The following CCDC85C variants were observed in gnomAD, a reference collection of about 807,000 sequenced individuals.
The protein encoded by CCDC85C is coiled-coil domain containing 85C.
In CCDC85C, 18 loss-of-function variants were observed where a neutral mutation model predicts 38.3. The ratio of observed to expected loss-of-function variants is 0.47; its 90% CI spans 0.33 to 0.70. The LOEUF (loss-of-function observed/expected upper bound fraction) is 0.70. CCDC85C is among the 30% of genes least tolerant of loss of function. CCDC85C has a pLI of 0.03. For missense variants in CCDC85C, 566 were observed against 621.2 expected (o/e 0.91, Z 0.94); for synonymous variants, 264 against 293.8 (o/e 0.90, Z 1.04).
chr14:99,595,887 G>C (rs968432143), intron 1 of CCDC85C, among the ~76,000 whole-genome samples: 1 of 152,242 alleles, frequency 6.6e-6, no homozygotes, highest in African/African-American at 2.4e-5. Flanking sequence ...AAACCCAGTT[G>C]CTGTCAGCAC....
Position 99,535,359 on chromosome 14 carries a change from C to T in CCDC85C, c.867+656G>A, listed in dbSNP as rs1374787843. Among the ~76,000 whole-genome samples the T allele has an allele frequency of 6.6e-6, 1 of 152,188 alleles. No individual in the cohort carries two copies. The highest frequency in any genetic ancestry group is 1.5e-5 in the Non-Finnish European group (1 of 68,020). On this transcript the variant is annotated intron_variant, in intron 2 of 5. Transcript: ENST00000380243. The surrounding 1 kb of genome is among the most constrained non-coding windows in gnomAD (Gnocchi z 5.5). ...TCGCCAAGCCAGCTGGCCCCCAACA[C>T]CCAAGCGTGACTGCCCATAGCCTCC...
rs1039717244 is a variant in CCDC85C at position 99,572,696 on chromosome 14, T to C, written c.793+30471A>G. 31 of 455,856 alleles carry C rather than the reference T, an allele frequency of 6.8e-5. No individual in the cohort carries two copies. Among genetic ancestry groups the C allele is most frequent in the Non-Finnish European group, 1.1e-4 (25 of 226,760 alleles). The allele number at this position is 455,856 out of a possible 1,614,324, so 28.2% of individuals were successfully genotyped here. ...AAGAGGCCTCCCCTGCCACCATCTGTTTTCTGCTCTTCCTAGCACTCACCA... is the reference window on the plus strand; with the variant it reads ...AAGAGGCCTCCCCTGCCACCATCTGCTTTCTGCTCTTCCTAGCACTCACCA... On this transcript the variant is annotated intron_variant, in intron 1 of 5. Coordinates refer to ENST00000380243, the MANE Select transcript of CCDC85C (RefSeq NM_001144995.2). This position sits in a 1 kb window ranked among gnomAD's most constrained non-coding sequence, Gnocchi z 4.4.
Position 99,603,694 on chromosome 14 carries a change from C to G in CCDC85C, c.266G>C (p.Cys89Ser), listed in dbSNP as rs770399001. ...CTTCTGCCGGTCGTCGTCGAGGAAG[C>G]AGCAGAGCTCGCGCAGCTCCTGGTT... Reference protein sequence around the residue: ...DDNQELRELCCFLDDDRQKGR... With the variant: ...DDNQELRELCSFLDDDRQKGR... The change falls in exon 1 of 6, where the codon TGC (cysteine) becomes TCC (serine). Residue 89 changes from cysteine to serine, a missense_variant. Physicochemically the swap from Cys to Ser is moderately radical, Grantham distance 112 (BLOSUM62 -1). Around this residue, in one of 3 missense-constraint regions of CCDC85C, gnomAD observed 269 missense variants for 308.2 expected, o/e 0.87. Transcript: ENST00000380243. The surrounding 1 kb of genome is among the most constrained non-coding windows in gnomAD (Gnocchi z 7.5). The G allele has an allele frequency of 2.2e-5, 33 of 1,511,048 alleles. No individual in the cohort carries two copies. Among genetic ancestry groups the G allele is most frequent in the Non-Finnish European group, 2.6e-6 (3 of 1,134,136 alleles). 93.6% of individuals were successfully genotyped at this position (1,511,048 alleles called of 1,614,324 possible). A position where few individuals can be genotyped will look rare whatever the true frequency, so the allele number is the denominator to read the frequency against.
At chr14:99,563,885 G>A (rs999701879) in intron 1 of CCDC85C, among the ~76,000 whole-genome samples, 3 of 128,172 alleles carry the variant, frequency 2.3e-5, no homozygotes, top group African/African-American at 8.3e-5. Context: ...GGGTATGTGG[G>A]GCAGGGGGTG....
intron 1 of CCDC85C, among the ~76,000 whole-genome samples, chr14:99,589,413 C>T (rs868045480): frequency 2.0e-5 from 3 of 151,968 alleles, no homozygotes; most frequent in Non-Finnish European, 4.4e-5. Flanking sequence ...AGTTGTGGAG[C>T]TTCCCGACCA....
At chr14:99,578,517 G>A (rs2054927437) in intron 1 of CCDC85C, among the ~76,000 whole-genome samples, 1 of 152,020 alleles carries the variant, frequency 6.6e-6, no homozygotes, top group Admixed American at 6.6e-5. Flanking sequence ...TCCCATCACT[G>A]TGTGTGTGTG....
Position 99,503,050 on chromosome 14 carries a change from G to A in CCDC85C, c.*12196C>T, listed in dbSNP as rs747848206. Reference sequence around the variant, plus strand: ...CAGGTGGCGGCAACACCTGAGCACTGTTCCCATTTCTAAGCGAGCACAGGG... The same window carrying A: ...CAGGTGGCGGCAACACCTGAGCACTATTCCCATTTCTAAGCGAGCACAGGG... On this transcript the variant is annotated 3_prime_UTR_variant, in exon 6 of 6. Transcript: ENST00000380243. The A allele has an allele frequency of 4.5e-6, 7 of 1,545,810 alleles. No homozygotes were observed.
At chr14:99,556,181 C>G (rs991803023) in intron 1 of CCDC85C, among the ~76,000 whole-genome samples, 3 of 152,234 alleles carry the variant, frequency 2.0e-5, no homozygotes, top group Admixed American at 1.3e-4. Flanking sequence ...CACTGAGAAG[C>G]CATGGAGCAA....
At position 99,510,341 on chromosome 14, in the gene CCDC85C, C is replaced by T; in HGVS notation, c.*4905G>A. On this transcript the variant is annotated 3_prime_UTR_variant, in exon 6 of 6. Coordinates refer to ENST00000380243, the MANE Select transcript of CCDC85C (RefSeq NM_001144995.2). ...CCAGCTACATGACCGGGATGTCCACCACCAGCTCCTACATGTCTGGAGAGG... is the reference window on the plus strand; with the variant it reads ...CCAGCTACATGACCGGGATGTCCACTACCAGCTCCTACATGTCTGGAGAGG... 6.3e-7 allele frequency: 1 copy of T among 1,588,062 alleles called. No individual in the cohort carries two copies. Among genetic ancestry groups the T allele is most frequent in the African/African-American group, 1.4e-5 (1 of 73,236 alleles).
intron 2 of CCDC85C, among the ~76,000 whole-genome samples, chr14:99,530,279 G>C (rs1414343589): frequency 6.6e-6 from 1 of 152,214 alleles, no homozygotes; most frequent in African/African-American, 2.4e-5. Context: ...AGGCCAAACT[G>C]ACTCTGAGGT....
In CCDC85C at chr14:99,603,910, T is replaced by C. The variant is rs953292142; in HGVS notation, c.50A>G (p.Gln17Arg). The change falls in exon 1 of 6, where the codon CAG becomes CGG. Residue 17 changes from glutamine (Q) to arginine (R), a missense_variant. By Grantham distance (43) the Gln-to-Arg change is conservative. Coordinates refer to ENST00000380243, the MANE Select transcript of CCDC85C (RefSeq NM_001144995.2). This position sits in a 1 kb window ranked among gnomAD's most constrained non-coding sequence, Gnocchi z 7.5. ...GCGCAGCAGCTCCTCGTCCGGCACC[T>C]GGCTCAGCTCCTCCGACGCCGCCGC... is the stretch of plus-strand genomic sequence containing the variant. ...TAAAASEELSQVPDEELLRWS... is the reference protein window; with the variant it reads ...TAAAASEELSRVPDEELLRWS... 10 of 1,475,290 alleles carry C rather than the reference T, an allele frequency of 6.8e-6. No homozygotes were observed. Among genetic ancestry groups the C allele is most frequent in the African/African-American group, 2.9e-5 (2 of 68,096 alleles). The allele number at this position is 1,475,290 out of a possible 1,614,324, so 91.4% of individuals were successfully genotyped here.
In CCDC85C at chr14:99,522,179, G is replaced by T; in HGVS notation, c.929C>A (p.Ser310Tyr). 1 of 1,551,070 alleles carries T rather than the reference G, an allele frequency of 6.4e-7. No individual in the cohort carries two copies. The highest frequency in any genetic ancestry group is 8.7e-7 in the Non-Finnish European group (1 of 1,146,924). The change falls in exon 3 of 6, where the codon TCC (serine) becomes TAC (tyrosine). Residue 310 changes from serine to tyrosine, a missense_variant. By Grantham distance (144) the Ser-to-Tyr change is moderately radical. Coordinates refer to ENST00000380243, the MANE Select transcript of CCDC85C (RefSeq NM_001144995.2). ...RKGFSPYHSE[S>Y]QLASLPPSYQ... ...GGAGGGCGGCAGGGACGCAAGCTGG[G>T]ACTCCGAGTGGTAGGGCGAGAAGCC...
At position 99,588,056 on chromosome 14, in the gene CCDC85C, A is replaced by C. The variant is rs1388754300; in HGVS notation, c.793+15111T>G. Among the ~76,000 whole-genome samples, 2 of 150,190 alleles carry C rather than the reference A, an allele frequency of 1.3e-5. No homozygotes were observed. Among genetic ancestry groups the C allele is most frequent in the African/African-American group, 2.5e-5 (1 of 40,746 alleles). ...AGCCCTCACTTGAATCCCCTTCCAC[A>C]CCCCCAGGCCTGCACAGGCCTCCTG... On this transcript the variant is annotated intron_variant, in intron 1 of 5. Transcript: ENST00000380243. The surrounding 1 kb of genome is among the most constrained non-coding windows in gnomAD (Gnocchi z 5.0).
At position 99,503,765 on chromosome 14, in the gene CCDC85C, T is replaced by C; in HGVS notation, c.*11481A>G. 1.2e-6 allele frequency: 1 copy of C among 811,948 alleles called. No homozygotes were observed. The highest frequency in any genetic ancestry group is 1.7e-5 in the African/African-American group (1 of 57,368). 50.3% of individuals were successfully genotyped at this position (811,948 alleles called of 1,614,324 possible). A position where few individuals can be genotyped will look rare whatever the true frequency, so the allele number is the denominator to read the frequency against. ...CCTTAAATCTTAACTTTAGAGCTCA[T>C]ACAAAACTTTTCCATCAGCATTGTC... On this transcript the variant is annotated 3_prime_UTR_variant, in exon 6 of 6. Coordinates refer to ENST00000380243, the MANE Select transcript of CCDC85C (RefSeq NM_001144995.2).
In CCDC85C at chr14:99,502,438, T is replaced by C. The variant is rs1467502638; in HGVS notation, c.*12808A>G. ...CATGTTGAGATGATTCTTCCATGTGTACCCTGAGTCCCAAGAATGGATTTT... is the reference window on the plus strand; with the variant it reads ...CATGTTGAGATGATTCTTCCATGTGCACCCTGAGTCCCAAGAATGGATTTT... On this transcript the variant is annotated 3_prime_UTR_variant, in exon 6 of 6. Coordinates refer to ENST00000380243, the MANE Select transcript of CCDC85C (RefSeq NM_001144995.2). 14 of 1,563,772 alleles carry C rather than the reference T, an allele frequency of 9.0e-6. No individual in the cohort carries two copies. The highest frequency in any genetic ancestry group is 1.1e-5 in the Non-Finnish European group (13 of 1,156,130).
chr14:99,595,861 G>A (rs1209458900), intron 1 of CCDC85C, among the ~76,000 whole-genome samples: 10 of 152,248 alleles, frequency 6.6e-5, no homozygotes, highest in African/African-American at 2.2e-4. Context: ...AACTGTTGTG[G>A]GAGGCGAGTG....
chr14:99,502,422 A>G lies in CCDC85C; in HGVS notation c.*12824T>C, dbSNP rs775010290. The G allele has an allele frequency of 4.4e-6, 7 of 1,594,482 alleles. No individual in the cohort carries two copies. Among genetic ancestry groups the G allele is most frequent in the East Asian group, 2.2e-5 (1 of 44,658 alleles). ...TCTCGTGAGGGTGTTCCATGTTGAG[A>G]TGATTCTTCCATGTGTACCCTGAGT... On this transcript the variant is annotated 3_prime_UTR_variant, in exon 6 of 6. Coordinates refer to ENST00000380243, the MANE Select transcript of CCDC85C (RefSeq NM_001144995.2).
Position 99,501,375 on chromosome 14 carries a change from A to G in CCDC85C, c.*13871T>C, listed in dbSNP as rs199594007. 6.8e-5 allele frequency: 110 copies of G among 1,606,668 alleles called. No individual in the cohort carries two copies. The African/African-American group carries it at 1.4e-3, about 21-fold the overall frequency. On this transcript the variant is annotated 3_prime_UTR_variant, in exon 6 of 6. Coordinates refer to ENST00000380243, the MANE Select transcript of CCDC85C (RefSeq NM_001144995.2). ...TTCTAGGTGATAAAAACAAAATTCA[A>G]AAGTTGGTTCAAATGGCATGGACAT...
chr14:99,543,902 CCCACAG>C (rs1897758995), intron 1 of CCDC85C, among the ~76,000 whole-genome samples: 1 of 152,222 alleles, frequency 6.6e-6, no homozygotes. Flanking sequence ...GGCCTCAGTG[CCCACAG>C]CCCACAAATG....
Sources: allele counts gnomAD v4.1 joint callset (sites outside exome capture counted in the v4.1 genomes callset), GRCh38; gene constraint gnomAD v4.1.1; regional missense constraint gnomAD v4.1.1; non-coding constraint Gnocchi (gnomAD v3.1); transcripts MANE v1.5; gene names NCBI Gene and HGNC (gene_info 2026-07-23, HGNC 2026-07-21).